MYO7A: variants seen among roughly 807,000 people sequenced by gnomAD.
MYO7A encodes the protein unconventional myosin-VIIa.
A neutral mutation model predicts 263.8 loss-of-function variants in MYO7A; 210 were observed. The observed-to-expected ratio is 0.80, with a 90% CI of 0.71 to 0.89. The LOEUF is 0.89. Among genes scored for constraint, MYO7A ranks in the 40% least tolerant of loss-of-function variants. The pLI, the probability that MYO7A is intolerant of heterozygous loss-of-function variation, is 0.00. For missense variants in MYO7A, 2,820 were observed against 2,968.3 expected, an observed-to-expected ratio of 0.95 and a Z score of 1.16; for synonymous variants, 1,239 against 1,197.3, an observed-to-expected ratio of 1.03 and a Z score of -0.72.
chr11:77,154,156 G>A (rs1442794121), intron 4 of MYO7A, among the ~76,000 whole-genome samples: 2 of 152,210 alleles, frequency 1.3e-5, no homozygotes, highest in African/African-American at 4.8e-5. Context: ...CAGGCGCCTG[G>A]CAAAGGTTAT....
chr11:77,156,834 TGCC>T (rs782735377), intron 6 of MYO7A, 25 bp from the exon 7 acceptor site: 1 of 1,613,918 alleles, frequency 6.2e-7, no homozygotes, highest in East Asian at 2.2e-5. Flanking sequence ...GAGCGGGCTT[TGCC>T]AGTGACACCC....
intron 27 of MYO7A, among the ~76,000 whole-genome samples, chr11:77,188,003 G>T (rs1420734231): frequency 2.6e-5 from 4 of 152,210 alleles, no homozygotes; most frequent in Non-Finnish European, 4.4e-5. Flanking sequence ...GCTGCTGCAG[G>T]CGTGTCTCAG....
In MYO7A at chr11:77,175,374, C is replaced by A. The variant is rs373495082; in HGVS notation, c.2097C>A (p.Gly699=). ...LPGVKPAYKQ[G]DLRGTCQRMA... is the part of the protein sequence containing the mutation. ...TGTGTTCCCCATCCTCACTCCAGGGCGACCTCCGCGGGACTTGCCAGCGCA... is the reference window on the plus strand; with the variant it reads ...TGTGTTCCCCATCCTCACTCCAGGGAGACCTCCGCGGGACTTGCCAGCGCA... The change falls in exon 18 of 49, where the codon GGC becomes GGA. Residue 699 remains glycine (G), a splice_region_variant and synonymous_variant. Transcript: ENST00000409709. The A allele has an allele frequency of 1.2e-6, 2 of 1,612,984 alleles. No homozygotes were observed. The highest frequency in any genetic ancestry group is 1.1e-5 in the South Asian group (1 of 91,062).
At chr11:77,177,698 G>A in intron 19 of MYO7A, 55 bp downstream of exon 19, 2 of 1,462,118 alleles carry the variant, frequency 1.4e-6, no homozygotes, top group Non-Finnish European at 1.9e-6. Context: ...GTGTACGTGT[G>A]GTGTTTGGCT....
At chr11:77,182,229 G>T (rs1955291367) in intron 24 of MYO7A, 75 bp downstream of exon 24, 1 of 1,567,782 alleles carries the variant, frequency 6.4e-7, no homozygotes, top group Non-Finnish European at 8.7e-7. Context: ...GCTGGTGGTG[G>T]CCGTAGGTGA....
intron 41 of MYO7A, among the ~76,000 whole-genome samples, chr11:77,206,493 GCTGGCTTTGCA>G (rs557180497): frequency 5.8e-4 from 88 of 152,312 alleles, no homozygotes; most frequent in South Asian, 1.7e-3. Context: ...CTCCCTCTGA[GCTGGCTTTGCA>G]CTGGCTTTGC....
intron 3 of MYO7A, among the ~76,000 whole-genome samples, chr11:77,144,198 C>A (rs573022200): frequency 6.6e-6 from 1 of 152,182 alleles, no homozygotes; most frequent in East Asian, 1.9e-4. Flanking sequence ...GCCCTTGGGC[C>A]GTAGAACCCA....
At chr11:77,201,399 A>G in intron 35 of MYO7A, 49 bp from the exon 36 acceptor site, 3 of 1,560,346 alleles carry the variant, frequency 1.9e-6, no homozygotes, top group Non-Finnish European at 1.7e-6. Flanking sequence ...AAGATGTTCC[A>G]ACTCAGCCTG....
intron 5 of MYO7A, 63 bp downstream of exon 5, chr11:77,156,154 C>A: frequency 6.5e-7 from 1 of 1,550,258 alleles, no homozygotes; most frequent in Admixed American, 1.8e-5. Context: ...ACTGTGCGCT[C>A]CTGCTGATAC....
chr11:77,190,925 C>A, intron 30 of MYO7A, 55 bp downstream of exon 30: 2 of 1,488,760 alleles, frequency 1.3e-6, no homozygotes, highest in Non-Finnish European at 1.8e-6. Context: ...GGCCCCACTC[C>A]GGGCTGCCAG....
chr11:77,194,554 GGGATGT>G, intron 32 of MYO7A, 30 bp downstream of exon 32: 1 of 1,562,104 alleles, frequency 6.4e-7, no homozygotes, highest in Non-Finnish European at 8.7e-7. Flanking sequence ...TCCTAGAGAA[GGGATGT>G]GGACCTGAAC....
chr11:77,168,736 C>T (rs565483150), intron 15 of MYO7A, among the ~76,000 whole-genome samples: 2 of 152,212 alleles, frequency 1.3e-5, no homozygotes, highest in South Asian at 2.1e-4. Context: ...GAGTTGGAGG[C>T]CGCAGTGAGT....
At chr11:77,152,733 G>A (rs369776623) in intron 4 of MYO7A, among the ~76,000 whole-genome samples, 11 of 152,190 alleles carry the variant, frequency 7.2e-5, no homozygotes, top group African/African-American at 2.4e-4. Flanking sequence ...GGCCTTGAAC[G>A]GGGACTGTAG....
At chr11:77,201,330 G>T in intron 35 of MYO7A, 118 bp from the exon 36 acceptor site, 3 of 1,001,062 alleles carry the variant, frequency 3.0e-6, no homozygotes, top group East Asian at 5.3e-5. Context: ...TTGTGACAAG[G>T]TGGAGGCAGA....
chr11:77,155,961 T>C lies in MYO7A; in HGVS notation c.340T>C (p.Tyr114His). 1 of 1,612,844 alleles carries C rather than the reference T, an allele frequency of 6.2e-7. No individual in the cohort carries two copies. The highest frequency in any genetic ancestry group is 8.5e-7 in the Non-Finnish European group (1 of 1,179,418). Residue 114 changes from tyrosine (Y) to histidine (H), a missense_variant, in exon 5 of 49, where the codon TAC (tyrosine) becomes CAC (histidine). Coordinates refer to ENST00000409709, the MANE Select transcript of MYO7A (RefSeq NM_000260.4). Reference protein sequence around the residue: ...AVNPYQLLSIYSPEHIRQYTN... With the variant: ...AVNPYQLLSIHSPEHIRQYTN... ...GAACCCCTACCAGCTGCTCTCCATC[T>C]ACTCGCCAGAGCACATCCGCCAGTA...
At chr11:77,175,990 C>T (rs1234678977) in intron 18 of MYO7A, among the ~76,000 whole-genome samples, 23 of 152,340 alleles carry the variant, frequency 1.5e-4, no homozygotes, top group South Asian at 1.0e-3. Flanking sequence ...GCGGGAGTCG[C>T]GGAGTCACAG....
intron 41 of MYO7A, among the ~76,000 whole-genome samples, 189 bp downstream of exon 41, chr11:77,206,391 G>T (rs1957449391): frequency 6.6e-6 from 1 of 152,212 alleles, no homozygotes; most frequent in Non-Finnish European, 1.5e-5. Flanking sequence ...CTTGGTTCCT[G>T]ATCCAACCCC....
At chr11:77,181,095 C>T (rs1295544645) in intron 22 of MYO7A, among the ~76,000 whole-genome samples, 1 of 152,242 alleles carries the variant, frequency 6.6e-6, no homozygotes, top group Non-Finnish European at 1.5e-5. Flanking sequence ...AGCCTCAAGC[C>T]AATGGCCGTG....
intron 5 of MYO7A, 101 bp downstream of exon 5, chr11:77,156,192 A>G: frequency 7.5e-7 from 1 of 1,331,872 alleles, no homozygotes; most frequent in Non-Finnish European, 1.0e-6. Flanking sequence ...GCTGTCGGAA[A>G]TGCCATCAAG....
Sources: allele counts gnomAD v4.1 joint callset (sites outside exome capture counted in the v4.1 genomes callset), GRCh38; gene constraint gnomAD v4.1.1; transcripts MANE v1.5; gene names NCBI Gene and HGNC (gene_info 2026-07-23, HGNC 2026-07-21).